The following ALG9 variants were observed in gnomAD, a reference collection of about 807,000 sequenced individuals.
ALG9 encodes alpha-1,2-mannosyltransferase ALG9.
In ALG9, 55 loss-of-function variants were observed where a neutral mutation model predicts 81.8. The observed-to-expected ratio is 0.67, with a 90% CI of 0.54 to 0.84. The LOEUF is 0.84. ALG9 is among the 40% of genes least tolerant of loss of function. The pLI, the probability that ALG9 is intolerant of heterozygous loss-of-function variation, is 0.00. For synonymous variants in ALG9, 278 were observed against 274.3 expected (o/e 1.01, Z -0.13); for missense variants, 629 against 745.0 (o/e 0.84, Z 1.81).
chr11:111,850,514 T>C (rs781832744), intron 8 of ALG9, among the ~76,000 whole-genome samples: 4 of 151,650 alleles, frequency 2.6e-5, no homozygotes, highest in Non-Finnish European at 5.9e-5. Context: ...AAGAGCAGCC[T>C]GGCCAACATG....
chr11:111,791,532 G>A (rs1255849729), intron 14 of ALG9, among the ~76,000 whole-genome samples: 1 of 152,204 alleles, frequency 6.6e-6, no homozygotes, highest in Non-Finnish European at 1.5e-5. Context: ...AGCAACTAGA[G>A]GTGGGCTGAA....
At chr11:111,778,730 A>C (rs1231192995), downstream of ALG9, among the ~76,000 whole-genome samples, 4 of 152,030 alleles carry the variant, frequency 2.6e-5, no homozygotes, top group East Asian at 7.7e-4. Context: ...TTAAAAAAAA[A>C]CATAATGGAT....
chr11:111,830,464 T>C (rs1018542475), intron 13 of ALG9, among the ~76,000 whole-genome samples: 3 of 152,248 alleles, frequency 2.0e-5, no homozygotes, highest in African/African-American at 7.2e-5. Context: ...AAATTTTTGT[T>C]CATTCAATCA....
chr11:111,809,807 A>G, intron 13 of ALG9, 34 bp from the exon 14 acceptor site: 1 of 1,612,706 alleles, frequency 6.2e-7, no homozygotes, highest in Non-Finnish European at 8.5e-7. Flanking sequence ...TTCATTAGTA[A>G]TTTTGAAGGT....
rs892698437 is a variant in ALG9 at position 111,840,753 on chromosome 11, T to C, written c.1075A>G (p.Ile359Val). ...LTLAPMYIWF[I>V]IFFIQPHKEE... Reference sequence around the variant, plus strand: ...TTGTGAGGCTGGATGAAGAAAATTATAAACCAAATATACATTGGAGCCAAG... The same window carrying C: ...TTGTGAGGCTGGATGAAGAAAATTACAAACCAAATATACATTGGAGCCAAG... Residue 359 changes from isoleucine (I) to valine (V), a missense_variant, in exon 10 of 15, where the codon ATA becomes GTA. Physicochemically the swap from Ile to Val is conservative, Grantham distance 29. Coordinates refer to ENST00000616540, the MANE Select transcript of ALG9 (RefSeq NM_024740.2). 3.1e-6 allele frequency: 5 copies of C among 1,613,960 alleles called. No homozygotes were observed. Among genetic ancestry groups the C allele is most frequent in the Non-Finnish European group, 3.4e-6 (4 of 1,179,998 alleles).
At chr11:111,823,128 G>A (rs1279245836) in intron 13 of ALG9, among the ~76,000 whole-genome samples, 1 of 152,108 alleles carries the variant, frequency 6.6e-6, no homozygotes, top group African/African-American at 2.4e-5. Context: ...AAATGGGACC[G>A]CTGAATATTC....
chr11:111,849,740 G>C (rs190356462), intron 8 of ALG9: 13 of 151,938 alleles, frequency 8.6e-5, no homozygotes, highest in Admixed American at 7.2e-4. Context: ...TTGGTTTTCT[G>C]CTCCTGTGTT....
In ALG9 at chr11:111,852,321, A is replaced by G. The variant is rs1957952926; in HGVS notation, c.895+1059T>C. 1.3e-5 allele frequency among the ~76,000 whole-genome samples: 2 copies of G among 152,328 alleles called. 1 individual carries two copies. Among genetic ancestry groups the G allele is most frequent in the Middle Eastern group, 6.8e-3 (2 of 294 alleles). ...TTGCTGAGTTGGCTGATTTGATCCAAAAGATCTCTAGCTCATCCCCCCATT... is the reference window on the plus strand; with the variant it reads ...TTGCTGAGTTGGCTGATTTGATCCAGAAGATCTCTAGCTCATCCCCCCATT... On this transcript the variant is annotated intron_variant, in intron 8 of 14. Transcript: ENST00000616540.
chr11:111,865,640 A>G (rs549577433), intron 3 of ALG9, among the ~76,000 whole-genome samples: 2 of 152,372 alleles, frequency 1.3e-5, no homozygotes, highest in African/African-American at 4.8e-5. Flanking sequence ...TATAATGCTC[A>G]TTCAACAAGC....
rs1348460645 is a variant in ALG9, at chr11:111,785,817, G to A, written c.*580C>T. ...TTTCCTGAGATAGCTCCAGGACAGG[G>A]TCCTAGTCCTGTGAAGTGCTTTAAA... On this transcript the variant is annotated 3_prime_UTR_variant, in exon 15 of 15. Transcript: ENST00000616540. The A allele has an allele frequency of 2.9e-6, 1 of 345,168 alleles. No individual in the cohort carries two copies. Among genetic ancestry groups the A allele is most frequent in the African/African-American group, 2.1e-5 (1 of 46,590 alleles). The allele number at this position is 345,168 out of a possible 1,614,324, so 21.4% of individuals were successfully genotyped here. A position where few individuals can be genotyped will look rare whatever the true frequency, so the allele number is the denominator to read the frequency against.
intron 14 of ALG9, among the ~76,000 whole-genome samples, chr11:111,806,519 T>C (rs1949953726): frequency 2.0e-5 from 3 of 152,148 alleles, no homozygotes; most frequent in Admixed American, 2.0e-4. Flanking sequence ...TCTCCTGGGT[T>C]TCCTACTACT....
At chr11:111,838,738 T>C (rs1555120379) in intron 10 of ALG9, among the ~76,000 whole-genome samples, 6 of 152,224 alleles carry the variant, frequency 3.9e-5, no homozygotes, top group African/African-American at 1.4e-4. Context: ...TTGTTTTTGA[T>C]ATAATGAGTA....
At chr11:111,849,049 CT>C (rs1957347456) in intron 8 of ALG9, among the ~76,000 whole-genome samples, 5 of 151,790 alleles carry the variant, frequency 3.3e-5, no homozygotes, top group African/African-American at 4.8e-5. Flanking sequence ...TTCTTTCTTT[CT>C]TTCTTTCTTT....
chr11:111,817,815 C>T (rs1339495355), intron 13 of ALG9, among the ~76,000 whole-genome samples: 7 of 144,508 alleles, frequency 4.8e-5, no homozygotes, highest in South Asian at 2.2e-4. Flanking sequence ...TTTGCTCTGT[C>T]GCCCAGGCTG....
chr11:111,797,968 C>T (rs1555076845), intron 14 of ALG9: 2 of 155,944 alleles, frequency 1.3e-5, no homozygotes, highest in Admixed American at 6.5e-5. Flanking sequence ...AAAGGTTCAA[C>T]ATCTAACTCC....
At chr11:111,867,631 G>A (rs1205806435) in intron 3 of ALG9, among the ~76,000 whole-genome samples, 1 of 152,136 alleles carries the variant, frequency 6.6e-6, no homozygotes, top group Non-Finnish European at 1.5e-5. Context: ...GAAGACAGAA[G>A]AAAAGAAATT....
At chr11:111,847,845 G>A (rs782796685) in intron 8 of ALG9, among the ~76,000 whole-genome samples, 2 of 152,140 alleles carry the variant, frequency 1.3e-5, no homozygotes, top group East Asian at 1.9e-4. Context: ...ACTCAAGCTC[G>A]CTAGGGGCTC....
chr11:111,789,887 A>C (rs1327588840), intron 14 of ALG9, among the ~76,000 whole-genome samples: 23 of 151,752 alleles, frequency 1.5e-4, no homozygotes, highest in Admixed American at 1.4e-3. Context: ...AGTGGTGATG[A>C]CTATTTTCCT....
chr11:111,796,965 G>C (rs554649547), intron 14 of ALG9, among the ~76,000 whole-genome samples: 11 of 152,292 alleles, frequency 7.2e-5, no homozygotes, highest in African/African-American at 2.2e-4. Flanking sequence ...CCTTCCATCT[G>C]GGTAATAAGA....
Sources: gnomAD v4.1 joint callset for allele counts (sites outside exome capture counted in the v4.1 genomes callset) on GRCh38, gnomAD v4.1.1 for gene constraint, MANE v1.5 for transcripts, NCBI Gene and HGNC (gene_info 2026-07-23, HGNC 2026-07-21) for gene names.